NOS1AP: variants seen among roughly 807,000 people sequenced by gnomAD.
The protein encoded by NOS1AP is carboxyl-terminal PDZ ligand of neuronal nitric oxide synthase protein.
Under a neutral mutation model 56.2 loss-of-function variants are expected in NOS1AP, and 21 were observed. The ratio of observed to expected loss-of-function variants is 0.37; its 90% CI spans 0.26 to 0.54. The LOEUF is 0.54. NOS1AP is among the 20% of genes least tolerant of loss of function. NOS1AP has a pLI of 0.84. For missense variants in NOS1AP, 522 were observed against 657.8 expected (o/e 0.79, Z 2.26); for synonymous variants, 270 against 274.6 (o/e 0.98, Z 0.17).
At chr1:162,225,895 A>T (rs1389914464) in intron 2 of NOS1AP, among the ~76,000 whole-genome samples, 5 of 152,246 alleles carry the variant, frequency 3.3e-5, no homozygotes, top group Non-Finnish European at 5.9e-5. Context: ...TTTATTTTTC[A>T]TACAATGAAA....
intron 1 of NOS1AP, among the ~76,000 whole-genome samples, chr1:162,140,184 G>T (rs1649177884): frequency 6.6e-6 from 1 of 152,216 alleles, no homozygotes; most frequent in African/African-American, 2.4e-5. Flanking sequence ...GAAGACCTTT[G>T]CCTGCAGGCC....
At chr1:162,236,997 G>T (rs75780704) in intron 2 of NOS1AP, among the ~76,000 whole-genome samples, 2 of 152,208 alleles carry the variant, frequency 1.3e-5, no homozygotes, top group Non-Finnish European at 2.9e-5. Context: ...AACACAATAC[G>T]TGTATGTTTG....
At chr1:162,166,435 T>G (rs1261932389) in intron 2 of NOS1AP, among the ~76,000 whole-genome samples, 1 of 152,228 alleles carries the variant, frequency 6.6e-6, no homozygotes, top group Non-Finnish European at 1.5e-5. Flanking sequence ...CTCCTCTTCC[T>G]TCTACCTGGG....
At chr1:162,206,458 A>G (rs570451874) in intron 2 of NOS1AP, among the ~76,000 whole-genome samples, 2 of 152,172 alleles carry the variant, frequency 1.3e-5, no homozygotes, top group Non-Finnish European at 2.9e-5. Context: ...AGCCACACAC[A>G]TTTGTCTCTG....
At chr1:162,305,302 C>T (rs1283002337) in intron 4 of NOS1AP, among the ~76,000 whole-genome samples, 1 of 151,958 alleles carries the variant, frequency 6.6e-6, no homozygotes, top group African/African-American at 2.4e-5. Flanking sequence ...CCATCACCCC[C>T]TTTTTTTAGC....
rs564061250 is a variant in NOS1AP, at chr1:162,297,688, G to A, written c.271-2945G>A. Among the ~76,000 whole-genome samples the A allele has an allele frequency of 1.8e-4, 27 of 152,192 alleles. 2 individuals carry two copies. In the South Asian group the frequency reaches 5.2e-3, roughly 29 times the overall value. The stretch of plus-strand genomic sequence containing the variant: ...TTCATGTCTCTCAAGAGGTGGAGCC[G>A]AGGCAACTGTAGTTTAAAAAGAAAA... On this transcript the variant is annotated intron_variant, in intron 3 of 9. Coordinates refer to ENST00000361897, the MANE Select transcript of NOS1AP (RefSeq NM_014697.3).
At chr1:162,271,287 C>T (rs545095118) in intron 2 of NOS1AP, among the ~76,000 whole-genome samples, 1 of 144,876 alleles carries the variant, frequency 6.9e-6, no homozygotes, top group East Asian at 2.2e-4. Flanking sequence ...ATGGTACCCC[C>T]CACCCCCCAG....
intron 2 of NOS1AP, among the ~76,000 whole-genome samples, chr1:162,208,787 A>C (rs4657170): frequency 0.83 from 125,757 of 152,192 alleles, 52,310 homozygotes; most frequent in East Asian, 0.88. Context: ...TTGTTTTCTC[A>C]ACAATGCCTT....
rs906324978 is a variant in NOS1AP at position 162,364,291 on chromosome 1, C to T, written c.940-1113C>T. ...ACCATGGTTTTGGTACAAGAACACC[C>T]TTTTCCCCATAAGCTACATTGGTCC... On this transcript the variant is annotated intron_variant, in intron 8 of 9. Coordinates refer to ENST00000361897, the MANE Select transcript of NOS1AP (RefSeq NM_014697.3). 9.9e-5 allele frequency: 98 copies of T among 985,340 alleles called. 1 individual carries two copies. In the Admixed American group the frequency reaches 5.8e-3, roughly 58 times the overall value. 61.0% of individuals were successfully genotyped at this position (985,340 alleles called of 1,614,324 possible).
chr1:162,249,167 G>A (rs1231504553), intron 2 of NOS1AP, among the ~76,000 whole-genome samples: 1 of 152,150 alleles, frequency 6.6e-6, no homozygotes, highest in African/African-American at 2.4e-5. Context: ...TATAGAGTTG[G>A]ATTCAACCAA....
At chr1:162,226,442 T>G (rs556250298) in intron 2 of NOS1AP, among the ~76,000 whole-genome samples, 1 of 152,276 alleles carries the variant, frequency 6.6e-6, no homozygotes, top group Non-Finnish European at 1.5e-5. Context: ...TACGTAGTAT[T>G]TACTTAGTAA....
intron 8 of NOS1AP, chr1:162,360,817 G>C (rs1657874525): frequency 4.4e-6 from 2 of 456,490 alleles, no homozygotes; most frequent in Non-Finnish European, 8.8e-6. Flanking sequence ...TCCAGTGTGT[G>C]GTGGGGCAAA....
chr1:162,342,638 AC>A (rs771652156), intron 5 of NOS1AP: 7 of 491,388 alleles, frequency 1.4e-5, no homozygotes, highest in South Asian at 9.1e-5. Context: ...ACTACCTTCA[AC>A]AAGGCCTTCT....
chr1:162,105,620 A>G (rs1227133020), intron 1 of NOS1AP, among the ~76,000 whole-genome samples: 3 of 152,168 alleles, frequency 2.0e-5, no homozygotes, highest in Non-Finnish European at 4.4e-5. Context: ...TGAAGCCCCC[A>G]CAAGGAGGTC....
intron 4 of NOS1AP, among the ~76,000 whole-genome samples, chr1:162,326,427 A>G (rs750610449): frequency 4.5e-4 from 69 of 152,208 alleles, no homozygotes; most frequent in Non-Finnish European, 9.0e-4. Context: ...TCTCCAGTGA[A>G]ACAGAACCAA....
intron 1 of NOS1AP, among the ~76,000 whole-genome samples, chr1:162,133,387 C>T (rs1185581858): frequency 6.6e-6 from 1 of 152,174 alleles, no homozygotes; most frequent in Non-Finnish European, 1.5e-5. Flanking sequence ...ATATCATACC[C>T]GTCTTGGTTA....
rs41431251 is a variant in NOS1AP, at chr1:162,154,422, C to T, written c.123C>T (p.Asp41=). ...CFEAKYVGSL[D]VPRPNSRVEI... ...CCCCACAGTACGTAGGAAGCCTGGA[C>T]GTGCCAAGGCCCAACAGCAGGGTGG... The change falls in exon 2 of 10, where the codon GAC becomes GAT. Residue 41 remains aspartate (D), a synonymous_variant. Transcript: ENST00000361897. The T allele has an allele frequency of 7.5e-5, 121 of 1,614,106 alleles. No individual in the cohort carries two copies. The East Asian group carries it at 2.1e-3, about 28-fold the overall frequency.
At chr1:162,282,765 A>G (rs1025825923) in intron 2 of NOS1AP, among the ~76,000 whole-genome samples, 4 of 152,198 alleles carry the variant, frequency 2.6e-5, no homozygotes, top group Admixed American at 2.0e-4. Context: ...CGAAGCTCCA[A>G]AGCTCCTTCT....
chr1:162,114,555 G>A (rs1647856856), intron 1 of NOS1AP, among the ~76,000 whole-genome samples: 1 of 151,966 alleles, frequency 6.6e-6, no homozygotes, highest in Non-Finnish European at 1.5e-5. Flanking sequence ...GGATAACCAG[G>A]GACTGTAACC....
Sources: gnomAD v4.1 joint callset for allele counts (sites outside exome capture counted in the v4.1 genomes callset) on GRCh38, gnomAD v4.1.1 for gene constraint, MANE v1.5 for transcripts, NCBI Gene and HGNC (gene_info 2026-07-23, HGNC 2026-07-21) for gene names.